RBFOX1: variants seen among roughly 807,000 people sequenced by gnomAD.
RBFOX1 encodes RNA binding fox-1 homolog 1, also known as RNA binding protein fox-1 homolog 1.
In RBFOX1, 8 loss-of-function variants were observed where a neutral mutation model predicts 57.7. The observed-to-expected ratio is 0.14, with a 90% CI of 0.08 to 0.25. RBFOX1 has a LOEUF of 0.25. Among genes scored for constraint, RBFOX1 ranks in the 10% least tolerant of loss-of-function variants. RBFOX1 has a pLI of 1.00. For missense variants in RBFOX1, 611 were observed against 548.5 expected (o/e 1.11, Z -1.14); for synonymous variants, 326 against 222.4 (o/e 1.47, Z -4.15).
Position 7,407,373 on chromosome 16 carries a change from G to GGGGTGTGT in RBFOX1, c.28-110773_28-110772insGGTGTGTG, listed in dbSNP as rs1011842452. On this transcript the variant is annotated intron_variant, in intron 4 of 15. Transcript: ENST00000550418. ...ATTTTGACTTCAAGGGATTTGTATG[G>GGGGTGTGT]GTGTGTGTGTGTGTGTGTGTGTGTG... is the stretch of plus-strand genomic sequence containing the variant. 2.3e-3 allele frequency among the ~76,000 whole-genome samples: 345 copies of GGGGTGTGT among 149,660 alleles called. 4 individuals are homozygous for GGGGTGTGT. The highest frequency in any genetic ancestry group is 8.1e-3 in the African/African-American group (327 of 40,408).
intron 4 of RBFOX1, among the ~76,000 whole-genome samples, chr16:7,185,987 T>G (rs1346903272): frequency 1.3e-5 from 2 of 152,188 alleles, no homozygotes; most frequent in Non-Finnish European, 2.9e-5. Flanking sequence ...CTATGTTTAT[T>G]GGCGCACTTT....
At chr16:6,821,303 T>G (rs2091257942) in intron 3 of RBFOX1, among the ~76,000 whole-genome samples, 1 of 152,204 alleles carries the variant, frequency 6.6e-6, no homozygotes, top group South Asian at 2.1e-4. Flanking sequence ...CTCTCTTCCC[T>G]ATTACTAAGT....
chr16:7,123,985 T>G (rs2067803776), intron 4 of RBFOX1, among the ~76,000 whole-genome samples: 1 of 152,206 alleles, frequency 6.6e-6, no homozygotes, highest in African/African-American at 2.4e-5. Flanking sequence ...CATAGGTCTT[T>G]GTGCATATGA....
At chr16:7,396,789 C>T (rs540101965) in intron 4 of RBFOX1, among the ~76,000 whole-genome samples, 3 of 152,064 alleles carry the variant, frequency 2.0e-5, no homozygotes, top group Admixed American at 6.6e-5. Context: ...AAAATACAAT[C>T]AATTAGCCAG....
At chr16:7,024,507 G>C (rs541241788) in intron 3 of RBFOX1, among the ~76,000 whole-genome samples, 16 of 152,116 alleles carry the variant, frequency 1.1e-4, no homozygotes, top group Non-Finnish European at 1.9e-4. Flanking sequence ...AGTAGTTATA[G>C]GCCCTTGTGC....
At chr16:6,251,901 G>A (rs1429121665) in intron 1 of RBFOX1, among the ~76,000 whole-genome samples, 2 of 151,990 alleles carry the variant, frequency 1.3e-5, no homozygotes, top group Non-Finnish European at 2.9e-5. Context: ...CTTACAAGGC[G>A]GCTGTCTGCT....
chr16:5,942,334 G>A (rs772847195), intron 4 of RBFOX1, among the ~76,000 whole-genome samples: 3 of 152,090 alleles, frequency 2.0e-5, no homozygotes, highest in Admixed American at 6.6e-5. Flanking sequence ...TGTGGACAAC[G>A]GTCCTCATAT....
chr16:6,275,059 T>G (rs988308034), intron 1 of RBFOX1, among the ~76,000 whole-genome samples: 1 of 152,216 alleles, frequency 6.6e-6, no homozygotes, highest in Non-Finnish European at 1.5e-5. Flanking sequence ...AGTCACATTG[T>G]CTGGTCACAC....
At chr16:6,995,391 T>C (rs1437611738) in intron 3 of RBFOX1, among the ~76,000 whole-genome samples, 1 of 151,858 alleles carries the variant, frequency 6.6e-6, no homozygotes, top group Non-Finnish European at 1.5e-5. Flanking sequence ...GATTTTTCAC[T>C]TTATTATTGT....
chr16:5,297,065 G>T (rs2063687843), intron 1 of RBFOX1, among the ~76,000 whole-genome samples: 2 of 152,078 alleles, frequency 1.3e-5, no homozygotes. Context: ...TGTTCTCCAG[G>T]TTCATCCATG....
chr16:7,008,094 C>T (rs1392377335), intron 3 of RBFOX1, among the ~76,000 whole-genome samples: 2 of 152,166 alleles, frequency 1.3e-5, no homozygotes, highest in African/African-American at 2.4e-5. Flanking sequence ...AGCTACTCCT[C>T]TTGCCCTTTA....
chr16:6,452,653 T>C (rs1433492881), intron 2 of RBFOX1, among the ~76,000 whole-genome samples: 1 of 152,018 alleles, frequency 6.6e-6, no homozygotes, highest in African/African-American at 2.4e-5. Context: ...TTTAAGACAA[T>C]AGGGATTGAT....
chr16:5,868,962 A>G (rs537764964), intron 4 of RBFOX1, among the ~76,000 whole-genome samples: 3 of 152,266 alleles, frequency 2.0e-5, no homozygotes, highest in Non-Finnish European at 2.9e-5. Flanking sequence ...GCATCGTTAT[A>G]TAAAATCCTT....
intron 4 of RBFOX1, among the ~76,000 whole-genome samples, chr16:7,082,073 C>G (rs1262402600): frequency 6.6e-6 from 1 of 152,122 alleles, no homozygotes; most frequent in Non-Finnish European, 1.5e-5. Context: ...TCGGTGGTAA[C>G]CACCCCAATT....
intron 4 of RBFOX1, among the ~76,000 whole-genome samples, chr16:7,108,274 G>T (rs868070861): frequency 2.0e-5 from 3 of 152,280 alleles, no homozygotes; most frequent in Middle Eastern, 3.4e-3. Context: ...TATTCAGGGA[G>T]CTCAACATAT....
At chr16:5,622,268 G>A (rs1229424289) in intron 3 of RBFOX1, among the ~76,000 whole-genome samples, 2 of 152,128 alleles carry the variant, frequency 1.3e-5, no homozygotes, top group African/African-American at 4.8e-5. Context: ...GGCTGCTTTG[G>A]CTTGTTATAT....
chr16:5,673,090 C>A (rs1326557907), intron 3 of RBFOX1, among the ~76,000 whole-genome samples: 3 of 152,076 alleles, frequency 2.0e-5, no homozygotes, highest in African/African-American at 4.8e-5. Context: ...CTAGCGGCAT[C>A]TCTGCATCCT....
intron 1 of RBFOX1, among the ~76,000 whole-genome samples, chr16:6,278,645 T>TA (rs1263011926): frequency 2.6e-5 from 4 of 151,790 alleles, no homozygotes; most frequent in African/African-American, 7.3e-5. Context: ...TTTAGGTTGT[T>TA]AAAAAAAAGT....
chr16:6,397,156 T>G (rs1180485549), intron 2 of RBFOX1, among the ~76,000 whole-genome samples: 1 of 152,132 alleles, frequency 6.6e-6, no homozygotes, highest in African/African-American at 2.4e-5. Flanking sequence ...TTCTTCAAAT[T>G]TGGTGAAATA....
Sources: allele counts gnomAD v4.1 joint callset (sites outside exome capture counted in the v4.1 genomes callset), GRCh38; gene constraint gnomAD v4.1.1; transcripts MANE v1.5; gene names NCBI Gene and HGNC (gene_info 2026-07-23, HGNC 2026-07-21).